Variants in UTP18 observed in about 807,000 individuals in gnomAD.
The protein encoded by UTP18 is UTP18 small subunit processome component.
UTP18 carries 36 observed loss-of-function variants against 61.1 expected under a neutral mutation model. The observed-to-expected ratio is 0.59, with a 90% CI of 0.45 to 0.78. UTP18 has a LOEUF of 0.78. Among genes scored for constraint, UTP18 ranks in the 30% least tolerant of loss-of-function variants. The pLI, the probability that UTP18 is intolerant of heterozygous loss-of-function variation, is 0.00. For missense variants in UTP18, 753 were observed against 693.9 expected (o/e 1.09, Z -0.96); for synonymous variants, 282 against 251.1 (o/e 1.12, Z -1.16).
At chr17:51,270,565 G>C (rs965259229) in intron 4 of UTP18, among the ~76,000 whole-genome samples, 6 of 152,170 alleles carry the variant, frequency 3.9e-5, no homozygotes, top group African/African-American at 1.4e-4. Flanking sequence ...TAAAATTGGG[G>C]TGGTAGGAAG....
intron 2 of UTP18, among the ~76,000 whole-genome samples, chr17:51,264,211 A>G (rs1227278889): frequency 6.6e-6 from 1 of 151,666 alleles, no homozygotes; most frequent in Non-Finnish European, 1.5e-5. Flanking sequence ...TAATTTTTGT[A>G]TTTTTAGTAG....
chr17:51,266,041 A>G lies in UTP18; in HGVS notation c.456-141A>G, dbSNP rs918630555. On this transcript the variant is annotated intron_variant, in intron 2 of 13. Coordinates refer to ENST00000225298, the MANE Select transcript of UTP18 (RefSeq NM_016001.3). ...TTTTGTTCTTTTAGGAAGAACAGAG[A>G]AGATGCATTTGAAATGTTCACATCT... 3 of 545,732 alleles carry G rather than the reference A, an allele frequency of 5.5e-6. No individual in the cohort carries two copies. In the East Asian group the frequency reaches 1.1e-4, roughly 20 times the overall value. 33.8% of individuals were successfully genotyped at this position (545,732 alleles called of 1,614,324 possible).
intron 4 of UTP18, among the ~76,000 whole-genome samples, chr17:51,270,443 C>T (rs763994472): frequency 6.6e-6 from 1 of 152,146 alleles, no homozygotes; most frequent in Non-Finnish European, 1.5e-5. Flanking sequence ...ATTTATAGAA[C>T]CCCACAACAT....
At chr17:51,279,507 T>G (rs899021397) in intron 7 of UTP18, among the ~76,000 whole-genome samples, 1 of 122,442 alleles carries the variant, frequency 8.2e-6, no homozygotes, top group Non-Finnish European at 1.6e-5. Context: ...TTGTTTTTTG[T>G]TTTTGTTTTT....
intron 6 of UTP18, 149 bp downstream of exon 6, chr17:51,276,140 CAG>C (rs3217081): frequency 0.43 from 321,631 of 749,886 alleles, 75,152 homozygotes; most frequent in East Asian, 0.59. Context: ...ACAGAAGTGA[CAG>C]AGTTCATTTA....
In UTP18 at chr17:51,288,014, C is replaced by T. The variant is rs1454766245; in HGVS notation, c.1329-15C>T. 1.3e-6 allele frequency: 2 copies of T among 1,546,904 alleles called. No individual in the cohort carries two copies. The highest frequency in any genetic ancestry group is 2.2e-5 in the Admixed American group (1 of 45,576). Reference sequence around the variant, plus strand: ...ACTTGGTTTTTAATCTATTTTAATCCTTTTCTCTTTGTAGTTCTAATTGTG... The same window carrying T: ...ACTTGGTTTTTAATCTATTTTAATCTTTTTCTCTTTGTAGTTCTAATTGTG... On this transcript the variant is annotated splice_polypyrimidine_tract_variant and intron_variant, in intron 10 of 13. Coordinates refer to ENST00000225298, the MANE Select transcript of UTP18 (RefSeq NM_016001.3).
At chr17:51,283,923 T>G (rs536308598) in intron 9 of UTP18, among the ~76,000 whole-genome samples, 15 of 152,338 alleles carry the variant, frequency 9.8e-5, no homozygotes, top group African/African-American at 3.6e-4. Flanking sequence ...CCATCTCATG[T>G]TGCCTTTTTT....
rs547306607 is a variant in UTP18 at position 51,268,327 on chromosome 17, A to G, written c.555-510A>G. ...AGGCGTGAGCCATGGCGCCCGGCCCAGGTACCAGTTCTTACGAACACAGCT... is the reference window on the plus strand; with the variant it reads ...AGGCGTGAGCCATGGCGCCCGGCCCGGGTACCAGTTCTTACGAACACAGCT... On this transcript the variant is annotated intron_variant, in intron 3 of 13. Transcript: ENST00000225298. Among the ~76,000 whole-genome samples the G allele has an allele frequency of 4.6e-5, 7 of 152,316 alleles. No individual in the cohort carries two copies. In the South Asian group the frequency reaches 1.5e-3, roughly 32 times the overall value.
intron 6 of UTP18, among the ~76,000 whole-genome samples, chr17:51,276,893 C>T (rs1430046630): frequency 6.6e-6 from 1 of 152,184 alleles, no homozygotes; most frequent in Non-Finnish European, 1.5e-5. Context: ...GCCACCTCCT[C>T]AGCACCTCCG....
intron 2 of UTP18, among the ~76,000 whole-genome samples, chr17:51,263,866 T>C (rs1304374151): frequency 6.6e-6 from 1 of 152,194 alleles, no homozygotes; most frequent in African/African-American, 2.4e-5. Flanking sequence ...GAGAATGTAC[T>C]GTATGCTTGA....
Position 51,268,826 on chromosome 17 carries a change from T to G in UTP18, c.555-11T>G. 1 of 1,613,092 alleles carries G rather than the reference T, an allele frequency of 6.2e-7. No individual in the cohort carries two copies. The highest frequency in any genetic ancestry group is 8.5e-7 in the Non-Finnish European group (1 of 1,179,222). On this transcript the variant is annotated splice_polypyrimidine_tract_variant and intron_variant, in intron 3 of 13. Transcript: ENST00000225298. Reference sequence around the variant, plus strand: ...TTGCCATAAATATATTTTTCAAATATTTTTGCTTAGATTCCAACATGCCAT... The same window carrying G: ...TTGCCATAAATATATTTTTCAAATAGTTTTGCTTAGATTCCAACATGCCAT...
intron 9 of UTP18, among the ~76,000 whole-genome samples, chr17:51,283,455 A>C (rs998806942): frequency 2.6e-5 from 4 of 152,120 alleles, no homozygotes; most frequent in Admixed American, 2.6e-4. Flanking sequence ...GGTGTGAGCC[A>C]CTGCGTGTGC....
chr17:51,275,066 A>G lies in UTP18; in HGVS notation c.712-800A>G, dbSNP rs148278842. ...TACAAAATTAGCTGGGTGTGGTGGC[A>G]CATGTCTGTAATCCCAGCTACTTGG... On this transcript the variant is annotated intron_variant, in intron 5 of 13. Coordinates refer to ENST00000225298, the MANE Select transcript of UTP18 (RefSeq NM_016001.3). Among the ~76,000 whole-genome samples the G allele has an allele frequency of 1.6e-3, 239 of 151,892 alleles. 1 individual carries two copies. The highest frequency in any genetic ancestry group is 5.4e-3 in the African/African-American group (225 of 41,456).
At chr17:51,295,584 G>A (rs1318749132) in intron 12 of UTP18, among the ~76,000 whole-genome samples, 2 of 152,176 alleles carry the variant, frequency 1.3e-5, no homozygotes, top group East Asian at 3.8e-4. Flanking sequence ...CCAGTACCCT[G>A]CTGTTTTGGT....
chr17:51,260,955 G>A (rs2055448316), intron 1 of UTP18, 29 bp downstream of exon 1: 1 of 1,467,986 alleles, frequency 6.8e-7, no homozygotes, highest in Non-Finnish European at 9.0e-7. Flanking sequence ...CGCGGGCTGG[G>A]CGCACTCGGG....
intron 5 of UTP18, 43 bp downstream of exon 5, chr17:51,273,493 C>G: frequency 6.9e-7 from 1 of 1,456,900 alleles, no homozygotes; most frequent in Non-Finnish European, 9.4e-7. Context: ...AACTACTTAC[C>G]TCTGCAGTTT....
At chr17:51,279,698 C>G (rs987704414) in intron 7 of UTP18, among the ~76,000 whole-genome samples, 4 of 152,144 alleles carry the variant, frequency 2.6e-5, no homozygotes, top group Non-Finnish European at 5.9e-5. Flanking sequence ...AGAGGTATTA[C>G]TGCATATATT....
At chr17:51,281,531 C>T (rs948869465) in intron 9 of UTP18, among the ~76,000 whole-genome samples, 9 of 151,828 alleles carry the variant, frequency 5.9e-5, no homozygotes, top group Non-Finnish European at 8.8e-5. Context: ...ATGATGAAAT[C>T]GTAGAAATAG....
At chr17:51,264,713 C>G (rs190076421) in intron 2 of UTP18, among the ~76,000 whole-genome samples, 31 of 144,620 alleles carry the variant, frequency 2.1e-4, no homozygotes, top group Non-Finnish European at 4.1e-4. Flanking sequence ...TTGAGACTCT[C>G]ATCCTTTCAT....
Sources: gnomAD v4.1 joint callset for allele counts (sites outside exome capture counted in the v4.1 genomes callset) on GRCh38, gnomAD v4.1.1 for gene constraint, MANE v1.5 for transcripts, NCBI Gene and HGNC (gene_info 2026-07-23, HGNC 2026-07-21) for gene names.